The following SLC7A5 variants were observed in gnomAD, a reference collection of about 807,000 sequenced individuals.
SLC7A5 encodes the protein large neutral amino acids transporter small subunit 1.
In SLC7A5, 23 loss-of-function variants were observed where a neutral mutation model predicts 50.2. The observed-to-expected ratio is 0.46, with a 90% CI of 0.33 to 0.65. The LOEUF is 0.65. Among genes scored for constraint, SLC7A5 ranks in the 30% least tolerant of loss-of-function variants. The pLI is 0.02. For missense variants in SLC7A5, 578 were observed against 684.4 expected (o/e 0.84, Z 1.73); for synonymous variants, 393 against 330.6 (o/e 1.19, Z -2.05).
In SLC7A5 at chr16:87,861,116, G is replaced by A. The variant is rs2077615; in HGVS notation, c.538+7769C>T. 1.3e-5 allele frequency among the ~76,000 whole-genome samples: 2 copies of A among 152,138 alleles called. No homozygotes were observed. The highest frequency in any genetic ancestry group is 4.8e-5 in the African/African-American group (2 of 41,424). On this transcript the variant is annotated intron_variant, in intron 1 of 9. Transcript: ENST00000261622. This position sits in a 1 kb window ranked among gnomAD's most constrained non-coding sequence, Gnocchi z 4.2. ...ACAGTACCAATCTGCATGCATACAC[G>A]TGTCCTGTCCCTGCAGACGGGCCAG...
At chr16:87,855,996 G>C (rs1372134946) in intron 1 of SLC7A5, among the ~76,000 whole-genome samples, 1 of 152,184 alleles carries the variant, frequency 6.6e-6, no homozygotes, top group Non-Finnish European at 1.5e-5. Flanking sequence ...ACAGCAGTGA[G>C]TCCTGCAGGG....
In SLC7A5 at chr16:87,856,962, G is replaced by A. The variant is rs572545533; in HGVS notation, c.539-5113C>T. Reference sequence around the variant, plus strand: ...GGCTGGTGCTGCCGGCCTGGGGAGCGCCCCCAGCACAGGCGCGTGCTTCCC... The same window carrying A: ...GGCTGGTGCTGCCGGCCTGGGGAGCACCCCCAGCACAGGCGCGTGCTTCCC... On this transcript the variant is annotated intron_variant, in intron 1 of 9. Transcript: ENST00000261622. Among the ~76,000 whole-genome samples the A allele has an allele frequency of 7.2e-5, 11 of 152,250 alleles. No individual in the cohort carries two copies. In the East Asian group the frequency reaches 1.7e-3, roughly 24 times the overall value.
At chr16:87,843,764 C>G (rs111457473) in intron 2 of SLC7A5, among the ~76,000 whole-genome samples, 1 of 152,154 alleles carries the variant, frequency 6.6e-6, no homozygotes, top group African/African-American at 2.4e-5. Context: ...CTGCAATGCA[C>G]GGGACACCCC....
chr16:87,843,108 C>T (rs913712122), intron 2 of SLC7A5, among the ~76,000 whole-genome samples: 5 of 152,226 alleles, frequency 3.3e-5, no homozygotes, highest in Non-Finnish European at 7.4e-5. Flanking sequence ...GCCAGAAACA[C>T]GTGCCCCATT....
rs773198901 is a variant in SLC7A5, at chr16:87,841,125, G to A, written c.695C>T (p.Ser232Leu). Reference protein sequence around the residue: ...GDVSNLDPNFSFEGTKLDVGN... With the variant: ...GDVSNLDPNFLFEGTKLDVGN... The stretch of plus-strand genomic sequence containing the variant: ...CACATCCAGTTTGGTGCCTTCAAAT[G>A]AGAAGTTGGGATCTAGATTGGACAC... Residue 232 changes from serine to leucine, a missense_variant, in exon 3 of 10, where the codon TCA becomes TTA. Physicochemically the swap from Ser to Leu is moderately radical, Grantham distance 145. Transcript: ENST00000261622. This position sits in a 1 kb window ranked among gnomAD's most constrained non-coding sequence, Gnocchi z 4.8. The A allele has an allele frequency of 1.2e-6, 2 of 1,613,728 alleles. No homozygotes were observed. The highest frequency in any genetic ancestry group is 1.1e-5 in the South Asian group (1 of 91,070).
Position 87,860,521 on chromosome 16 carries a change from T to C in SLC7A5, c.538+8364A>G, listed in dbSNP as rs900179077. Among the ~76,000 whole-genome samples the C allele has an allele frequency of 2.6e-5, 4 of 152,174 alleles. No individual in the cohort carries two copies. The highest frequency in any genetic ancestry group is 4.8e-5 in the African/African-American group (2 of 41,446). Reference sequence around the variant, plus strand: ...CAAATACCTTTCATGTACTGACTGATGTCTGCCTGTAACTTCTGTCCTTGT... The same window carrying C: ...CAAATACCTTTCATGTACTGACTGACGTCTGCCTGTAACTTCTGTCCTTGT... On this transcript the variant is annotated intron_variant, in intron 1 of 9. Transcript: ENST00000261622. The surrounding 1 kb of genome is among the most constrained non-coding windows in gnomAD (Gnocchi z 4.8).
In SLC7A5 at chr16:87,830,346, G is replaced by A. The variant is rs536069933; in HGVS notation, c.*2624C>T. On this transcript the variant is annotated 3_prime_UTR_variant, in exon 10 of 10. Transcript: ENST00000261622. ...TAAGACGTTAGCACAAAACAAAAAA[G>A]CACAACGACTGAAAATGCACTTGCT... 1.4e-4 allele frequency: 21 copies of A among 152,386 alleles called. No homozygotes were observed. The highest frequency in any genetic ancestry group is 4.6e-4 in the African/African-American group (19 of 41,596). 9.4% of individuals were successfully genotyped at this position (152,386 alleles called of 1,614,324 possible).
Position 87,840,424 on chromosome 16 carries a change from C to T in SLC7A5, c.815+5G>A, listed in dbSNP as rs1273111584. ...AAAGACGGCTCCATCCATTCTTGCA[C>T]GTACCTGTAGGGGTTGATCATTTCC... is the stretch of plus-strand genomic sequence containing the variant. On this transcript the variant is annotated splice_donor_5th_base_variant and intron_variant, in intron 4 of 9. Coordinates refer to ENST00000261622, the MANE Select transcript of SLC7A5 (RefSeq NM_003486.7). The T allele has an allele frequency of 1.6e-5, 25 of 1,609,596 alleles. No homozygotes were observed. In the East Asian group the frequency reaches 2.5e-4, roughly 16 times the overall value.
intron 7 of SLC7A5, 91 bp downstream of exon 7, chr16:87,837,754 C>T: frequency 1.9e-6 from 2 of 1,062,648 alleles, no homozygotes; most frequent in Non-Finnish European, 2.8e-6. Context: ...GTCCACACCC[C>T]AGACAGAGCT....
intron 1 of SLC7A5, among the ~76,000 whole-genome samples, chr16:87,865,589 C>G (rs1295086195): frequency 6.6e-6 from 1 of 152,136 alleles, no homozygotes; most frequent in Non-Finnish European, 1.5e-5. Flanking sequence ...CACCTGTAGT[C>G]CCAGCTACTC....
Position 87,852,790 on chromosome 16 carries a change from C to A in SLC7A5, c.539-941G>T, listed in dbSNP as rs1047203986. Among the ~76,000 whole-genome samples the A allele has an allele frequency of 6.6e-6, 1 of 151,700 alleles. No individual in the cohort carries two copies. The highest frequency in any genetic ancestry group is 2.4e-5 in the African/African-American group (1 of 41,266). On this transcript the variant is annotated intron_variant, in intron 1 of 9. Transcript: ENST00000261622. The surrounding 1 kb of genome is among the most constrained non-coding windows in gnomAD (Gnocchi z 4.5). ...TGTTGCAATATGTGCGCACGCTGAG[C>A]CACTATTCAGGGATCTGTGAGCTGG...
rs61164920 is a variant in SLC7A5 at position 87,852,638 on chromosome 16, C to CTGTG, written c.539-793_539-790dup. 0.057 allele frequency among the ~76,000 whole-genome samples: 6,695 copies of CTGTG among 116,690 alleles called. 210 individuals carry two copies. Among genetic ancestry groups the CTGTG allele is most frequent in the African/African-American group, 0.075 (2,285 of 30,634 alleles). The allele number at this position is 116,690 out of a possible 152,430, so 76.6% of individuals were successfully genotyped here. On this transcript the variant is annotated intron_variant, in intron 1 of 9. Transcript: ENST00000261622. This position sits in a 1 kb window ranked among gnomAD's most constrained non-coding sequence, Gnocchi z 4.5. ...CTGTAAGGCACCCAGCTCTGAGCCT[C>CTGTG]TGTGTGTGTGTGTGTGTGTGTGTGT...
Position 87,843,837 on chromosome 16 carries a change from G to A in SLC7A5, c.665-2682C>T, listed in dbSNP as rs927539955. ...CTGAGGCCCTGTGCAAGAAGACCAT[G>A]ACAAGGCATCAGCCACGAGCCTCTA... On this transcript the variant is annotated intron_variant, in intron 2 of 9. Coordinates refer to ENST00000261622, the MANE Select transcript of SLC7A5 (RefSeq NM_003486.7). Among the ~76,000 whole-genome samples, 5 of 152,316 alleles carry A rather than the reference G, an allele frequency of 3.3e-5. No homozygotes were observed. In the East Asian group the frequency reaches 9.6e-4, roughly 29 times the overall value.
At chr16:87,835,498 T>C (rs1338105943) in intron 8 of SLC7A5, among the ~76,000 whole-genome samples, 3 of 152,228 alleles carry the variant, frequency 2.0e-5, no homozygotes, top group African/African-American at 7.2e-5. Flanking sequence ...CCTGTTTTTT[T>C]TGTTTGTTTG....
chr16:87,868,513 C>T (rs565322189), intron 1 of SLC7A5, among the ~76,000 whole-genome samples: 4 of 152,328 alleles, frequency 2.6e-5, no homozygotes, highest in African/African-American at 9.6e-5. Context: ...GGAGCTCTAA[C>T]AGTAAACCGA....
At chr16:87,838,555 A>G (rs1470448333) in intron 6 of SLC7A5, among the ~76,000 whole-genome samples, 159 bp downstream of exon 6, 1 of 152,260 alleles carries the variant, frequency 6.6e-6, no homozygotes, top group South Asian at 2.1e-4. Context: ...GGCCTCCTAA[A>G]GTGCTGGGAT....
In SLC7A5 at chr16:87,833,444, G is replaced by A. The variant is rs993052603; in HGVS notation, c.1469-419C>T. On this transcript the variant is annotated intron_variant, in intron 9 of 9. Transcript: ENST00000261622. The surrounding 1 kb of genome is among the most constrained non-coding windows in gnomAD (Gnocchi z 6.0). ...GGGCCGGAGGGGCCAATCTGCTAAC[G>A]GGTCCTCGGAAGACCTGTCGCGCCT... Among the ~76,000 whole-genome samples the A allele has an allele frequency of 5.9e-5, 9 of 152,106 alleles. No homozygotes were observed. The East Asian group carries it at 7.7e-4, about 13-fold the overall frequency.
chr16:87,837,028 GA>G (rs1412313232), intron 7 of SLC7A5, among the ~76,000 whole-genome samples: 1 of 152,246 alleles, frequency 6.6e-6, no homozygotes, highest in Non-Finnish European at 1.5e-5. Flanking sequence ...TGGTCACCAA[GA>G]AAACAGTTTC....
chr16:87,855,029 G>C (rs1335077796), intron 1 of SLC7A5, among the ~76,000 whole-genome samples: 1 of 152,240 alleles, frequency 6.6e-6, no homozygotes, highest in African/African-American at 2.4e-5. Context: ...CCAGCGCCAG[G>C]GCCTTGGCCA....
Sources: allele counts gnomAD v4.1 joint callset (sites outside exome capture counted in the v4.1 genomes callset), GRCh38; gene constraint gnomAD v4.1.1; non-coding constraint Gnocchi (gnomAD v3.1); transcripts MANE v1.5; gene names NCBI Gene and HGNC (gene_info 2026-07-23, HGNC 2026-07-21).